Variants in ROBO1 observed in about 807,000 individuals in gnomAD.
ROBO1 encodes the protein roundabout guidance receptor 1.
ROBO1 carries 149 observed loss-of-function variants against 195.9 expected under a neutral mutation model. The observed-to-expected ratio is 0.76, with a 90% CI of 0.67 to 0.87. The LOEUF is 0.87. ROBO1 is among the 40% of genes least tolerant of loss of function. The pLI, the probability that ROBO1 is intolerant of heterozygous loss-of-function variation, is 0.00. For synonymous variants in ROBO1, 816 were observed against 733.2 expected (o/e 1.11, Z -1.82); for missense variants, 1,933 against 2,068.3 (o/e 0.93, Z 1.27).
chr3:78,736,662 A>G (rs768548295), intron 5 of ROBO1, among the ~76,000 whole-genome samples: 6 of 152,192 alleles, frequency 3.9e-5, no homozygotes, highest in Non-Finnish European at 8.8e-5. Flanking sequence ...CAAGAACCCA[A>G]TGCTCACTGA....
At chr3:79,597,214 G>A (rs550558552) in intron 1 of ROBO1, among the ~76,000 whole-genome samples, 8 of 151,758 alleles carry the variant, frequency 5.3e-5, no homozygotes, top group East Asian at 1.9e-4. Context: ...GTATAAGTCC[G>A]CAGTTAACTC....
At chr3:79,591,142 T>C (rs1943988193) in intron 1 of ROBO1, among the ~76,000 whole-genome samples, 1 of 151,878 alleles carries the variant, frequency 6.6e-6, no homozygotes, top group South Asian at 2.1e-4. Context: ...ATAGTTTTAC[T>C]ATTCAGTCAA....
At chr3:79,030,657 A>T (rs1473433821) in intron 3 of ROBO1, among the ~76,000 whole-genome samples, 1 of 152,220 alleles carries the variant, frequency 6.6e-6, no homozygotes, top group Admixed American at 6.5e-5. Flanking sequence ...AGAAAATGCA[A>T]TTACATTCTT....
intron 2 of ROBO1, among the ~76,000 whole-genome samples, chr3:79,220,570 C>A (rs779119440): frequency 2.6e-5 from 4 of 151,718 alleles, no homozygotes; most frequent in East Asian, 1.9e-4. Flanking sequence ...AGTCTTTAAC[C>A]CAATATAGGC....
intron 2 of ROBO1, among the ~76,000 whole-genome samples, chr3:79,451,059 C>G (rs1288777325): frequency 1.3e-5 from 2 of 151,104 alleles, no homozygotes; most frequent in Non-Finnish European, 3.0e-5. Flanking sequence ...TTTTTCAATT[C>G]TTGTCTTTTT....
chr3:79,186,213 G>A (rs185759270), intron 2 of ROBO1, among the ~76,000 whole-genome samples: 2 of 152,164 alleles, frequency 1.3e-5, no homozygotes, highest in East Asian at 3.9e-4. Context: ...ACATGTATGA[G>A]CATATGCGAT....
intron 2 of ROBO1, among the ~76,000 whole-genome samples, chr3:79,279,445 TA>T (rs777385183): frequency 6.6e-6 from 1 of 151,996 alleles, no homozygotes; most frequent in Non-Finnish European, 1.5e-5. Context: ...ATCACTATTA[TA>T]AAAAAAAGAT....
At chr3:79,303,932 G>A (rs1324596317) in intron 2 of ROBO1, among the ~76,000 whole-genome samples, 19 of 151,954 alleles carry the variant, frequency 1.3e-4, no homozygotes, top group Admixed American at 1.2e-3. Context: ...GATAGGACAG[G>A]TAAGAAAAAA....
chr3:78,988,325 CTCTG>C (rs2108037778), intron 3 of ROBO1, among the ~76,000 whole-genome samples: 2 of 152,224 alleles, frequency 1.3e-5, no homozygotes, highest in African/African-American at 2.4e-5. Flanking sequence ...TACCAGACTT[CTCTG>C]TCTGGTGCAA....
chr3:79,478,962 TATA>T (rs1463409847), intron 2 of ROBO1, among the ~76,000 whole-genome samples: 45 of 152,014 alleles, frequency 3.0e-4, no homozygotes, highest in African/African-American at 1.0e-3. Flanking sequence ...AACAGAAGAG[TATA>T]ATATGTACTC....
chr3:79,019,152 C>G (rs1046964877), intron 3 of ROBO1: 1 of 986,570 alleles, frequency 1.0e-6, no homozygotes, highest in Non-Finnish European at 1.2e-6. Context: ...CGCGGACACT[C>G]GCACGTCTTC....
intron 2 of ROBO1, among the ~76,000 whole-genome samples, chr3:79,283,229 G>C (rs528203007): frequency 5.3e-5 from 8 of 152,318 alleles, no homozygotes; most frequent in African/African-American, 1.9e-4. Flanking sequence ...CTGGGAGAGG[G>C]ATGGAGGAGG....
chr3:79,713,793 G>A (rs1702371154), intron 1 of ROBO1, among the ~76,000 whole-genome samples: 3 of 152,120 alleles, frequency 2.0e-5, no homozygotes, highest in Admixed American at 2.0e-4. Flanking sequence ...AATAAATCCA[G>A]TTTCAGCTTT....
At chr3:78,951,507 G>A (rs1057217577) in intron 3 of ROBO1, among the ~76,000 whole-genome samples, 1 of 151,980 alleles carries the variant, frequency 6.6e-6, no homozygotes, top group Admixed American at 6.6e-5. Context: ...TTACAAAGAA[G>A]AGGGGGTTAA....
chr3:79,412,280 T>G (rs1358249486), intron 2 of ROBO1, among the ~76,000 whole-genome samples: 1 of 152,162 alleles, frequency 6.6e-6, no homozygotes, highest in Non-Finnish European at 1.5e-5. Context: ...CCAGGAGAGA[T>G]AAGCTGACAG....
intron 8 of ROBO1, among the ~76,000 whole-genome samples, chr3:78,712,050 A>AAAAAAAAT (rs1559775324): frequency 4.0e-5 from 4 of 100,966 alleles, no homozygotes; most frequent in Non-Finnish European, 8.4e-5. Flanking sequence ...AAAAAAAAAA[A>AAAAAAAAT]CTCTCAAATC....
At chr3:78,769,802 C>G (rs770090586) in intron 4 of ROBO1, among the ~76,000 whole-genome samples, 34 of 152,024 alleles carry the variant, frequency 2.2e-4, no homozygotes, top group Non-Finnish European at 3.8e-4. Context: ...CTTTGTTTGT[C>G]TGAAAATAAC....
chr3:79,424,922 T>C (rs893727690), intron 2 of ROBO1, among the ~76,000 whole-genome samples: 15 of 152,076 alleles, frequency 9.9e-5, no homozygotes, highest in African/African-American at 3.4e-4. Flanking sequence ...TGTAGGAGAA[T>C]GAAGTCATGC....
intron 3 of ROBO1, among the ~76,000 whole-genome samples, chr3:79,001,849 T>A (rs983585339): frequency 6.6e-6 from 1 of 152,148 alleles, no homozygotes; most frequent in Non-Finnish European, 1.5e-5. Context: ...ATAATCAATA[T>A]TAAGGATAAG....
Sources: gnomAD v4.1 joint callset for allele counts (sites outside exome capture counted in the v4.1 genomes callset) on GRCh38, gnomAD v4.1.1 for gene constraint, MANE v1.5 for transcripts, NCBI Gene and HGNC (gene_info 2026-07-23, HGNC 2026-07-21) for gene names.